The following FOXP4 variants were observed in gnomAD, a reference collection of about 807,000 sequenced individuals.
FOXP4 encodes the protein forkhead box protein P4.
Under a neutral mutation model 82.6 loss-of-function variants are expected in FOXP4, and 25 were observed. The ratio of observed to expected loss-of-function variants is 0.30; its 90% CI spans 0.22 to 0.42. The LOEUF is 0.42. Among genes scored for constraint, FOXP4 ranks in the 10% least tolerant of loss-of-function variants. FOXP4 has a pLI of 1.00. For missense variants in FOXP4, 785 were observed against 900.9 expected (o/e 0.87, Z 1.65); for synonymous variants, 415 against 388.2 (o/e 1.07, Z -0.81).
At chr6:41,548,539 TGTC>T (rs1415080857) in intron 1 of FOXP4, 1 of 152,010 alleles carries the variant, frequency 6.6e-6, no homozygotes, top group Non-Finnish European at 1.5e-5. Flanking sequence ...GCAGCGGGGT[TGTC>T]GTATGGCCTG....
chr6:41,560,024 T>C (rs555671197), intron 1 of FOXP4, among the ~76,000 whole-genome samples: 1 of 152,340 alleles, frequency 6.6e-6, no homozygotes, highest in East Asian at 1.9e-4. Context: ...TTACCTCTTA[T>C]TGCAATCTGC....
At position 41,546,565 on chromosome 6, in the gene FOXP4, G is replaced by A. The variant is rs1229025445; in HGVS notation, c.-319G>A. The A allele has an allele frequency of 6.7e-6, 1 of 148,380 alleles. No homozygotes were observed. Among genetic ancestry groups the A allele is most frequent in the Non-Finnish European group, 1.5e-5 (1 of 66,274 alleles). 9.2% of individuals were successfully genotyped at this position (148,380 alleles called of 1,614,324 possible). A position where few individuals can be genotyped will look rare whatever the true frequency, so the allele number is the denominator to read the frequency against. On this transcript the variant is annotated 5_prime_UTR_variant, in exon 1 of 17. Coordinates refer to ENST00000307972, the MANE Select transcript of FOXP4 (RefSeq NM_001012426.2). Reference sequence around the variant, plus strand: ...CGGAACCAGGGCTGGGCCGGGGGCGGGGACGCCGGGGTCCGGGAGCCCGGG... The same window carrying A: ...CGGAACCAGGGCTGGGCCGGGGGCGAGGACGCCGGGGTCCGGGAGCCCGGG...
In FOXP4 at chr6:41,597,948, C is replaced by T. The variant is rs747216608; in HGVS notation, c.1893C>T (p.Tyr631=). The T allele has an allele frequency of 3.3e-6, 5 of 1,529,862 alleles. No individual in the cohort carries two copies. The East Asian group carries it at 9.6e-5, about 29-fold the overall frequency. The allele number at this position is 1,529,862 out of a possible 1,614,324, so 94.8% of individuals were successfully genotyped here. A position where few individuals can be genotyped will look rare whatever the true frequency, so the allele number is the denominator to read the frequency against. The change falls in exon 16 of 17, where the codon TAC becomes TAT. Residue 631 remains tyrosine (Y), a splice_region_variant and synonymous_variant. Transcript: ENST00000307972. Reference sequence around the variant, plus strand: ...CTCCTCGCCTCTCCCCGCCCCAGTACAGGTGAGCACACAGCACGGACCCCC... The same window carrying T: ...CTCCTCGCCTCTCCCCGCCCCAGTATAGGTGAGCACACAGCACGGACCCCC... ...SSPPRLSPPQ[Y]SHQVQVKEEP...
intron 3 of FOXP4, among the ~76,000 whole-genome samples, chr6:41,579,550 TG>T (rs1245865675): frequency 2.0e-5 from 3 of 151,904 alleles, no homozygotes; most frequent in Non-Finnish European, 4.4e-5. Flanking sequence ...TTGATGGTAG[TG>T]GGAGGGACTG....
chr6:41,593,499 G>C lies in FOXP4; in HGVS notation c.1537-1371G>C, dbSNP rs535106587. On this transcript the variant is annotated intron_variant, in intron 13 of 16. Transcript: ENST00000307972. The surrounding 1 kb of genome is among the most constrained non-coding windows in gnomAD (Gnocchi z 4.1). ...CTTAAATTGCCGTTAATGTTTCAGC[G>C]TAACGAATTAGTCTCTCATCACGAA... 6.6e-6 allele frequency among the ~76,000 whole-genome samples: 1 copy of C among 152,174 alleles called. No homozygotes were observed. Among genetic ancestry groups the C allele is most frequent in the Non-Finnish European group, 1.5e-5 (1 of 68,034 alleles).
rs1035333411 is a variant in FOXP4 at position 41,601,074 on chromosome 6, C to G, written c.*2138C>G. 6.6e-6 allele frequency: 1 copy of G among 152,292 alleles called. No homozygotes were observed. The highest frequency in any genetic ancestry group is 2.4e-5 in the African/African-American group (1 of 41,430). 9.4% of individuals were successfully genotyped at this position (152,292 alleles called of 1,614,324 possible). ...CCAGGTGTCCTTCCAGGCCCATTGT[C>G]CACGTCTTCAAGGGGGCTGCCTGGA... On this transcript the variant is annotated 3_prime_UTR_variant, in exon 17 of 17. Coordinates refer to ENST00000307972, the MANE Select transcript of FOXP4 (RefSeq NM_001012426.2).
chr6:41,576,436 G>A (rs1765491806), intron 2 of FOXP4, among the ~76,000 whole-genome samples: 1 of 152,180 alleles, frequency 6.6e-6, no homozygotes, highest in East Asian at 1.9e-4. Context: ...GATGATGGGT[G>A]GTGCAGCCAT....
chr6:41,594,520 T>C (rs1399282417), intron 13 of FOXP4, among the ~76,000 whole-genome samples: 1 of 152,192 alleles, frequency 6.6e-6, no homozygotes, highest in Non-Finnish European at 1.5e-5. Context: ...AAGCCCTGAG[T>C]AACAATTACA....
intron 9 of FOXP4, among the ~76,000 whole-genome samples, chr6:41,589,380 G>A (rs1049161319): frequency 2.6e-5 from 4 of 152,256 alleles, no homozygotes; most frequent in African/African-American, 4.8e-5. Context: ...CCATTCATCA[G>A]TTCCTGCATC....
Position 41,578,070 on chromosome 6 carries a change from T to C in FOXP4, c.289T>C (p.Ser97Pro), listed in dbSNP as rs1219542204. 6.2e-7 allele frequency: 1 copy of C among 1,613,512 alleles called. No homozygotes were observed. Among genetic ancestry groups the C allele is most frequent in the Admixed American group, 1.7e-5 (1 of 60,022 alleles). ...PGNNDSKQSA[S>P]AVQVPVSVAM... ...GAACAATGACAGCAAACAGTCTGCC[T>C]CTGCTGTGCAGGTGAGGAAGAGAGC... The change falls in exon 3 of 17, where the codon TCT becomes CCT. Residue 97 changes from serine (S) to proline (P), a missense_variant. By Grantham distance (74) the Ser-to-Pro change is moderately conservative. Around this residue, in one of 3 missense-constraint regions of FOXP4, gnomAD observed 570 missense variants for 634.0 expected, o/e 0.90. Transcript: ENST00000307972.
intron 12 of FOXP4, 23 bp downstream of exon 12, chr6:41,590,370 G>A (rs759200687): frequency 2.5e-6 from 4 of 1,611,920 alleles, no homozygotes; most frequent in East Asian, 2.2e-5. Context: ...GGTAGGAGGA[G>A]GGTGGGGAAT....
chr6:41,588,357 C>A (rs72858997), intron 8 of FOXP4, among the ~76,000 whole-genome samples: 3,556 of 152,316 alleles, frequency 0.023, 62 homozygotes, highest in Non-Finnish European at 0.036. Flanking sequence ...ACCCTTGCAG[C>A]ATCAGGGTCA....
intron 2 of FOXP4, among the ~76,000 whole-genome samples, chr6:41,572,148 G>C (rs1324286017): frequency 1.3e-5 from 2 of 152,068 alleles, no homozygotes; most frequent in Non-Finnish European, 2.9e-5. Flanking sequence ...CTCTTCTCTT[G>C]GCCACACTGG....
intron 3 of FOXP4, among the ~76,000 whole-genome samples, chr6:41,579,053 C>G (rs1034929719): frequency 1.2e-4 from 18 of 152,086 alleles, no homozygotes; most frequent in Admixed American, 2.6e-4. Context: ...GAGAAGGACC[C>G]AGGACCAGGC....
In FOXP4 at chr6:41,587,418, A is replaced by ACCTCGTTTGCCGCTC. The variant is rs752748756; in HGVS notation, c.781_795dup (p.Ser261_Pro265dup). ...CCTCACTGGCACGGCCGCCACCGCT[A>ACCTCGTTTGCCGCTC]CCTCGTTTGCCGCTCCCCCCAAGGT... On this transcript the variant is annotated inframe_insertion, in exon 7 of 17. Transcript: ENST00000307972. 14 of 1,581,764 alleles carry ACCTCGTTTGCCGCTC rather than the reference A, an allele frequency of 8.9e-6. No individual in the cohort carries two copies. The highest frequency in any genetic ancestry group is 1.2e-5 in the Non-Finnish European group (14 of 1,163,466).
At chr6:41,581,336 G>A (rs555668524) in intron 3 of FOXP4, among the ~76,000 whole-genome samples, 2 of 152,216 alleles carry the variant, frequency 1.3e-5, no homozygotes, top group Non-Finnish European at 2.9e-5. Flanking sequence ...AGCTTCCTGT[G>A]TGTCAGGCAC....
chr6:41,587,200 C>T (rs780861055), intron 6 of FOXP4, 44 bp downstream of exon 6: 3 of 1,609,218 alleles, frequency 1.9e-6, no homozygotes, highest in Non-Finnish European at 2.5e-6. Flanking sequence ...AACCCCACAG[C>T]CCTGCCTGTA....
At chr6:41,598,019 C>T in intron 16 of FOXP4, 69 bp downstream of exon 16, 1 of 1,330,442 alleles carries the variant, frequency 7.5e-7, no homozygotes. Context: ...GCGTCATCCC[C>T]CACCCTGGGT....
intron 2 of FOXP4, among the ~76,000 whole-genome samples, chr6:41,575,837 G>A (rs1017796327): frequency 9.9e-5 from 15 of 151,330 alleles, no homozygotes; most frequent in African/African-American, 3.6e-4. Context: ...CTTTTGGGTC[G>A]CCTGGGCTGG....
Sources: allele counts gnomAD v4.1 joint callset (sites outside exome capture counted in the v4.1 genomes callset), GRCh38; gene constraint gnomAD v4.1.1; regional missense constraint gnomAD v4.1.1; non-coding constraint Gnocchi (gnomAD v3.1); transcripts MANE v1.5; gene names NCBI Gene and HGNC (gene_info 2026-07-23, HGNC 2026-07-21).